TTLL9: variants seen among roughly 807,000 people sequenced by gnomAD.
TTLL9 encodes the protein tubulin tyrosine ligase like 9, also known as probable tubulin polyglutamylase TTLL9.
Under a neutral mutation model 65.6 loss-of-function variants are expected in TTLL9, and 47 were observed. The observed-to-expected ratio is 0.72, with a 90% CI of 0.57 to 0.91. The LOEUF (loss-of-function observed/expected upper bound fraction) is 0.91, where lower values mean the gene tolerates loss of function less well. Among genes scored for constraint, TTLL9 ranks in the 40% least tolerant of loss-of-function variants. The pLI is 0.00. For synonymous variants in TTLL9, 179 were observed against 204.8 expected (o/e 0.87, Z 1.07); for missense variants, 537 against 568.8 (o/e 0.94, Z 0.57).
At chr20:31,914,345 A>G (rs1480991773) in intron 6 of TTLL9, among the ~76,000 whole-genome samples, 1 of 152,214 alleles carries the variant, frequency 6.6e-6, no homozygotes, top group Admixed American at 6.5e-5. Flanking sequence ...CTATCACAGA[A>G]TAGTGGTGTT....
chr20:31,937,255 TA>T (rs892694139), intron 12 of TTLL9, 140 bp from the exon 13 acceptor site: 293 of 541,862 alleles, frequency 5.4e-4, no homozygotes, highest in Non-Finnish European at 6.5e-4. Flanking sequence ...TAAAAATAAT[TA>T]AAAAAAAATA....
chr20:31,873,571 T>C (rs562988325), intron 2 of TTLL9, among the ~76,000 whole-genome samples: 12 of 150,398 alleles, frequency 8.0e-5, no homozygotes, highest in African/African-American at 2.7e-4. Flanking sequence ...GGTGGGAGGA[T>C]TGCTTGAGGT....
chr20:31,901,632 CT>C (rs2063481702), intron 4 of TTLL9, among the ~76,000 whole-genome samples: 1 of 152,164 alleles, frequency 6.6e-6, no homozygotes, highest in South Asian at 2.1e-4. Context: ...TCCGCCCTGG[CT>C]TTTCTTAGTG....
At chr20:31,920,227 G>GCACACACA (rs1271389019) in intron 7 of TTLL9, among the ~76,000 whole-genome samples, 4 of 102,006 alleles carry the variant, frequency 3.9e-5, no homozygotes, top group African/African-American at 1.4e-4. Flanking sequence ...AAGCAAACAC[G>GCACACACA]CGCACACACA....
rs58783829 is a variant in TTLL9, at chr20:31,932,471, C to CA, written c.749-1315dup. On this transcript the variant is annotated intron_variant, in intron 10 of 14. Transcript: ENST00000535842. Reference sequence around the variant, plus strand: ...TGGGTGACAGAGCAAGACCCTGTCTCAAAAAAAAAAAAAAGGTCTAAAGAA... The same window carrying CA: ...TGGGTGACAGAGCAAGACCCTGTCTCAAAAAAAAAAAAAAAGGTCTAAAGAA... Among the ~76,000 whole-genome samples, 382 of 86,412 alleles carry CA rather than the reference C, an allele frequency of 4.4e-3. 20 individuals carry two copies. In the East Asian group the frequency reaches 0.061, roughly 14 times the overall value. The allele number at this position is 86,412 out of a possible 152,430, so 56.7% of individuals were successfully genotyped here. A position where few individuals can be genotyped will look rare whatever the true frequency, so the allele number is the denominator to read the frequency against.
At chr20:31,881,596 A>G (rs1451644918) in intron 2 of TTLL9, among the ~76,000 whole-genome samples, 3 of 147,176 alleles carry the variant, frequency 2.0e-5, no homozygotes, top group Non-Finnish European at 4.4e-5. Flanking sequence ...ATTGGGACAC[A>G]TATAACTTTT....
At chr20:31,924,724 C>T (rs1271232339) in intron 8 of TTLL9, among the ~76,000 whole-genome samples, 2 of 152,164 alleles carry the variant, frequency 1.3e-5, no homozygotes, top group Non-Finnish European at 1.5e-5. Context: ...GCTGAGACTA[C>T]AGATGTGCAC....
intron 2 of TTLL9, among the ~76,000 whole-genome samples, chr20:31,881,565 T>G (rs2063118226): frequency 2.0e-5 from 3 of 151,820 alleles, no homozygotes. Context: ...TTTTAAAAAT[T>G]AATACTCTTT....
intron 6 of TTLL9, among the ~76,000 whole-genome samples, chr20:31,912,880 C>G (rs1049881599): frequency 7.2e-5 from 11 of 152,190 alleles, no homozygotes; most frequent in Admixed American, 3.3e-4. Context: ...GATTGCAGGC[C>G]AGGTGAGTGG....
At chr20:31,922,880 C>A in intron 7 of TTLL9, 83 bp from the exon 8 acceptor site, 2 of 1,124,818 alleles carry the variant, frequency 1.8e-6, no homozygotes, top group Admixed American at 1.8e-5. Flanking sequence ...AGTGAGCTAC[C>A]CAAAGTAGTG....
rs2064268819 is a variant in TTLL9 at position 31,943,929 on chromosome 20, T to C, written c.*908T>C. 2 of 431,696 alleles carry C rather than the reference T, an allele frequency of 4.6e-6. No homozygotes were observed. Among genetic ancestry groups the C allele is most frequent in the South Asian group, 3.3e-5 (2 of 60,314 alleles). The allele number at this position is 431,696 out of a possible 1,614,324, so 26.7% of individuals were successfully genotyped here. ...GGGGTTGCAACAAGACTCGGGGCTG[T>C]TGGGGTAACTGTTCCAGGGGGGACT... is the stretch of plus-strand genomic sequence containing the variant. On this transcript the variant is annotated 3_prime_UTR_variant, in exon 15 of 15. Transcript: ENST00000535842.
intron 4 of TTLL9, 78 bp downstream of exon 4, chr20:31,898,643 TC>T: frequency 2.2e-6 from 3 of 1,338,280 alleles, no homozygotes. Flanking sequence ...TTCTCCCAGT[TC>T]CCCTGGGTGG....
rs1379859197 is a variant in TTLL9, at chr20:31,937,394, A to G, written c.1005-2A>G. 5 of 1,612,854 alleles carry G rather than the reference A, an allele frequency of 3.1e-6. No homozygotes were observed. In the South Asian group the frequency reaches 4.4e-5, roughly 14 times the overall value. On this transcript the variant is annotated splice_acceptor_variant, in intron 12 of 14. Coordinates refer to ENST00000535842, the MANE Select transcript of TTLL9 (RefSeq NM_001008409.5). LOFTEE classifies it high-confidence loss of function. ...AGACTCTCTACTCCCCTCCCTTCCC[A>G]GGTGGCTCCTGGAGGTCAATGCGTC...
intron 6 of TTLL9, among the ~76,000 whole-genome samples, chr20:31,918,385 T>C (rs986478392): frequency 4.6e-5 from 7 of 152,052 alleles, no homozygotes; most frequent in African/African-American, 1.7e-4. Flanking sequence ...TCTTTCTTTT[T>C]TTTTTAACAG....
At chr20:31,879,850 G>A in intron 2 of TTLL9, 2 of 1,550,164 alleles carry the variant, frequency 1.3e-6, no homozygotes, top group South Asian at 1.2e-5. Context: ...GCGCGCGGTG[G>A]CGGTTTGGAT....
At chr20:31,886,280 C>G (rs556391717) in intron 2 of TTLL9, among the ~76,000 whole-genome samples, 7 of 152,156 alleles carry the variant, frequency 4.6e-5, no homozygotes, top group Non-Finnish European at 1.0e-4. Flanking sequence ...CAGGTCTGTC[C>G]CAGCTGCAAA....
At chr20:31,939,517 G>T (rs915323278) in intron 14 of TTLL9, 10 of 337,336 alleles carry the variant, frequency 3.0e-5, no homozygotes, top group Admixed American at 9.0e-5. Context: ...ACTAGAGAAA[G>T]AAATAAAAAC....
intron 14 of TTLL9, among the ~76,000 whole-genome samples, chr20:31,941,641 T>C (rs2064212783): frequency 6.6e-6 from 1 of 152,034 alleles, no homozygotes; most frequent in African/African-American, 2.4e-5. Flanking sequence ...TCACTGTAAC[T>C]AACCTCAAAC....
intron 2 of TTLL9, 28 bp downstream of exon 2, chr20:31,871,223 A>G (rs775102737): frequency 1.9e-6 from 3 of 1,610,440 alleles, no homozygotes; most frequent in Non-Finnish European, 2.5e-6. Context: ...GGTTTGAGGG[A>G]GGGTTCCAGT....
Sources: allele counts gnomAD v4.1 joint callset (sites outside exome capture counted in the v4.1 genomes callset), GRCh38; gene constraint gnomAD v4.1.1; transcripts MANE v1.5; gene names NCBI Gene and HGNC (gene_info 2026-07-23, HGNC 2026-07-21).